The following PCDHGA11 variants were observed in gnomAD, a reference collection of about 807,000 sequenced individuals.
PCDHGA11 encodes the protein protocadherin gamma subfamily A, 11.
A neutral mutation model predicts 60.4 loss-of-function variants in PCDHGA11; 39 were observed. The observed-to-expected ratio is 0.65, with a 90% CI of 0.50 to 0.84. PCDHGA11 has a LOEUF of 0.84. Ranked by LOEUF, PCDHGA11 falls within the 40% of genes least tolerant of loss-of-function variation. The pLI is 0.00. For missense variants in PCDHGA11, 1,165 were observed against 1,197.7 expected (o/e 0.97, Z 0.40); for synonymous variants, 533 against 510.3 (o/e 1.04, Z -0.60).
intron 3 of PCDHGA11, among the ~76,000 whole-genome samples, chr5:141,509,335 G>C (rs113423267): frequency 6.6e-6 from 1 of 152,144 alleles, no homozygotes; most frequent in African/African-American, 2.4e-5. Context: ...CTGCCAGCTG[G>C]GCCTGGGCTG....
Position 141,432,617 on chromosome 5 carries a change from G to A in PCDHGA11, c.2433+8957G>A. The A allele has an allele frequency of 6.2e-7, 1 of 1,613,694 alleles. No individual in the cohort carries two copies. Among genetic ancestry groups the A allele is most frequent in the South Asian group, 1.1e-5 (1 of 91,044 alleles). On this transcript the variant is annotated intron_variant, in intron 1 of 3. Coordinates refer to ENST00000398587, the MANE Select transcript of PCDHGA11 (RefSeq NM_018914.3). This position sits in a 1 kb window ranked among gnomAD's most constrained non-coding sequence, Gnocchi z 6.0. ...CAGCGAGCCGGGACTCTTCTCGGTGGGTCTGCACACGGGCGAGGTGCGCAC... is the reference window on the plus strand; with the variant it reads ...CAGCGAGCCGGGACTCTTCTCGGTGAGTCTGCACACGGGCGAGGTGCGCAC...
intron 1 of PCDHGA11, chr5:141,433,165 C>T: frequency 2.5e-6 from 4 of 1,613,470 alleles, no homozygotes; most frequent in Non-Finnish European, 2.5e-6. Context: ...TTTCTAAAGA[C>T]AGTCATGGGT....
chr5:141,428,861 T>G (rs1435613271), intron 1 of PCDHGA11: 1 of 73,058 alleles, frequency 1.4e-5, no homozygotes, highest in Non-Finnish European at 2.5e-5. Flanking sequence ...TACGGGAGAC[T>G]TTTTTTTTTT....
Position 141,423,620 on chromosome 5 carries a change from C to A in PCDHGA11, c.2393C>A (p.Ser798Ter). The change falls in exon 1 of 4, where the codon TCA (serine) becomes TAA (stop). Residue 798 changes from serine to a stop codon, truncating the protein, a stop_gained. Transcript: ENST00000398587. LOFTEE classifies it high-confidence loss of function. ...GAGCCACTCTTGATAGCTGAAGACT[C>A]AGCTATCATTTTAGGCAAATGTGAC... is the stretch of plus-strand genomic sequence containing the variant. ...KSEPLLIAED[S>*]AIILGKCDPT... 6.2e-7 allele frequency: 1 copy of A among 1,608,268 alleles called. No homozygotes were observed. The highest frequency in any genetic ancestry group is 8.5e-7 in the Non-Finnish European group (1 of 1,177,144).
intron 1 of PCDHGA11, chr5:141,423,914 A>G (rs2096790099): frequency 3.0e-5 from 38 of 1,268,116 alleles, no homozygotes; most frequent in Non-Finnish European, 3.0e-6. Flanking sequence ...GGGGCCATTC[A>G]ACTATGCTGG....
intron 1 of PCDHGA11, among the ~76,000 whole-genome samples, chr5:141,444,400 A>G (rs1400847351): frequency 1.3e-5 from 2 of 151,536 alleles, no homozygotes; most frequent in Admixed American, 6.6e-5. Flanking sequence ...TGAACTCCCA[A>G]CCTCAGGTGA....
At chr5:141,438,629 TATATATACAC>T (rs1412065186) in intron 1 of PCDHGA11, among the ~76,000 whole-genome samples, 590 of 47,950 alleles carry the variant, frequency 0.012, no homozygotes, top group African/African-American at 0.039. Flanking sequence ...TATATATATA[TATATATACAC>T]ACACACACAC....
At chr5:141,438,418 G>C (rs2097959406) in intron 1 of PCDHGA11, among the ~76,000 whole-genome samples, 1 of 151,534 alleles carries the variant, frequency 6.6e-6, no homozygotes, top group Admixed American at 6.6e-5. Flanking sequence ...ATTTCACACA[G>C]TAGTTTGTAC....
chr5:141,500,444 C>T (rs1032064705), intron 2 of PCDHGA11, among the ~76,000 whole-genome samples: 3 of 151,370 alleles, frequency 2.0e-5, no homozygotes, highest in African/African-American at 4.9e-5. Context: ...CTCCTGACCT[C>T]GTGATCCGCC....
Position 141,432,736 on chromosome 5 carries a change from G to T in PCDHGA11, c.2433+9076G>T. On this transcript the variant is annotated intron_variant, in intron 1 of 3. Transcript: ENST00000398587. The surrounding 1 kb of genome is among the most constrained non-coding windows in gnomAD (Gnocchi z 6.0). ...AGCCCCCTCTCTCCGCCACTGTCACGCTCACCGTGGCCGTGGCCGACAGCA... is the reference window on the plus strand; with the variant it reads ...AGCCCCCTCTCTCCGCCACTGTCACTCTCACCGTGGCCGTGGCCGACAGCA... The T allele has an allele frequency of 6.2e-7, 1 of 1,614,058 alleles. No individual in the cohort carries two copies. The highest frequency in any genetic ancestry group is 8.5e-7 in the Non-Finnish European group (1 of 1,179,980).
intron 1 of PCDHGA11, chr5:141,484,946 C>T (rs2154580274): frequency 3.6e-6 from 2 of 561,448 alleles, no homozygotes; most frequent in Non-Finnish European, 6.4e-6. Flanking sequence ...CTCTGCTCAG[C>T]CTATTGGCTG....
chr5:141,456,275 G>A (rs1234663731), intron 1 of PCDHGA11, among the ~76,000 whole-genome samples: 1 of 152,142 alleles, frequency 6.6e-6, no homozygotes, highest in Non-Finnish European at 1.5e-5. Flanking sequence ...GCTACTTCCT[G>A]CTGAAAAGGG....
chr5:141,449,930 A>G (rs1353778264), intron 1 of PCDHGA11, among the ~76,000 whole-genome samples: 1 of 151,614 alleles, frequency 6.6e-6, no homozygotes, highest in East Asian at 1.9e-4. Context: ...ACCATACCTT[A>G]TAGTATATTT....
At chr5:141,484,071 T>C (rs1405337642) in intron 1 of PCDHGA11, among the ~76,000 whole-genome samples, 1 of 152,144 alleles carries the variant, frequency 6.6e-6, no homozygotes, top group Non-Finnish European at 1.5e-5. Flanking sequence ...GTGAAAAGCT[T>C]GCTCTTTTGA....
At chr5:141,492,673 C>T (rs2099743035) in intron 1 of PCDHGA11, among the ~76,000 whole-genome samples, 1 of 152,250 alleles carries the variant, frequency 6.6e-6, no homozygotes, top group Non-Finnish European at 1.5e-5. Flanking sequence ...GGGACTCCGT[C>T]TCAAGGGTCG....
Position 141,423,674 on chromosome 5 carries a change from C to A in PCDHGA11, c.2433+14C>A, listed in dbSNP as rs57195665. On this transcript the variant is annotated intron_variant, in intron 1 of 3. Transcript: ENST00000398587. ...ACAAGTAATCAGGTGAGATTTATTTCTCTGCCTCCTAATTGTTGGTGTCTT... is the reference window on the plus strand; with the variant it reads ...ACAAGTAATCAGGTGAGATTTATTTATCTGCCTCCTAATTGTTGGTGTCTT... 0.087 allele frequency: 131,432 copies of A among 1,514,090 alleles called. 6,254 individuals are homozygous for A. Among genetic ancestry groups the A allele is most frequent in the East Asian group, 0.14 (5,897 of 41,668 alleles). The allele number at this position is 1,514,090 out of a possible 1,614,324, so 93.8% of individuals were successfully genotyped here. A position where few individuals can be genotyped will look rare whatever the true frequency, so the allele number is the denominator to read the frequency against.
chr5:141,437,165 T>A (rs62379162), intron 1 of PCDHGA11, among the ~76,000 whole-genome samples: 3,747 of 152,330 alleles, frequency 0.025, 69 homozygotes, highest in Middle Eastern at 0.085. Context: ...TGTTGATTGT[T>A]TTCTGAGACT....
chr5:141,481,351 A>G (rs2099536232), intron 1 of PCDHGA11, among the ~76,000 whole-genome samples: 1 of 152,152 alleles, frequency 6.6e-6, no homozygotes, highest in Non-Finnish European at 1.5e-5. Context: ...TTAAACATCT[A>G]CAGCTGTTCA....
chr5:141,477,992 G>T lies in PCDHGA11; in HGVS notation c.2434-16815G>T. The T allele has an allele frequency of 6.2e-7, 1 of 1,614,108 alleles. No individual in the cohort carries two copies. Among genetic ancestry groups the T allele is most frequent in the Non-Finnish European group, 8.5e-7 (1 of 1,180,024 alleles). On this transcript the variant is annotated intron_variant, in intron 1 of 3. Transcript: ENST00000398587. The surrounding 1 kb of genome is among the most constrained non-coding windows in gnomAD (Gnocchi z 4.9). Reference sequence around the variant, plus strand: ...CCTTTTTGCCATAGGGCTGCACACTGGTCAAATCAGTACTGCCCGTCCAGT... The same window carrying T: ...CCTTTTTGCCATAGGGCTGCACACTTGTCAAATCAGTACTGCCCGTCCAGT...
Sources: gnomAD v4.1 joint callset for allele counts (sites outside exome capture counted in the v4.1 genomes callset) on GRCh38, gnomAD v4.1.1 for gene constraint, Gnocchi (gnomAD v3.1) non-coding constraint, MANE v1.5 for transcripts, NCBI Gene and HGNC (gene_info 2026-07-23, HGNC 2026-07-21) for gene names.